LOXL2: variants seen among roughly 807,000 people sequenced by gnomAD.
LOXL2 encodes lysyl oxidase homolog 2.
LOXL2 carries 70 observed loss-of-function variants against 93.0 expected under a neutral mutation model. That is an observed-to-expected ratio of 0.75 (90% confidence interval 0.62 to 0.92). The LOEUF (loss-of-function observed/expected upper bound fraction) is 0.92, where lower values mean the gene tolerates loss of function less well. Ranked by LOEUF, LOXL2 falls within the 40% of genes least tolerant of loss-of-function variation. The probability of loss-of-function intolerance (pLI) is 0.00; values close to 1 mark genes in which losing one functional copy is unlikely to be tolerated. For synonymous variants in LOXL2, 438 were observed against 413.2 expected (o/e 1.06, Z -0.73); for missense variants, 973 against 1,054.9 (o/e 0.92, Z 1.08).
chr8:23,398,516 C>G (rs372765250), intron 1 of LOXL2, among the ~76,000 whole-genome samples: 52 of 152,338 alleles, frequency 3.4e-4, no homozygotes, highest in African/African-American at 1.2e-3. Flanking sequence ...CTAACCACAA[C>G]CTCAGCATCT....
intron 13 of LOXL2, among the ~76,000 whole-genome samples, 168 bp downstream of exon 13, chr8:23,298,668 C>T (rs1803078037): frequency 6.6e-6 from 1 of 152,226 alleles, no homozygotes; most frequent in Non-Finnish European, 1.5e-5. Context: ...TGTAAAAACT[C>T]AGTCTCCATC....
chr8:23,344,162 G>A (rs532244442), intron 3 of LOXL2, among the ~76,000 whole-genome samples: 3 of 152,314 alleles, frequency 2.0e-5, no homozygotes, highest in East Asian at 1.9e-4. Flanking sequence ...CAACCCAAAC[G>A]CCAAGGGAGC....
intron 8 of LOXL2, among the ~76,000 whole-genome samples, chr8:23,319,370 G>A (rs1049061682): frequency 6.6e-5 from 10 of 152,338 alleles, no homozygotes; most frequent in African/African-American, 1.9e-4. Context: ...AAGTGCAGCT[G>A]ATGTGACAAG....
intron 4 of LOXL2, among the ~76,000 whole-genome samples, chr8:23,335,628 G>A (rs998697349): frequency 6.6e-6 from 1 of 152,084 alleles, no homozygotes; most frequent in Admixed American, 6.5e-5. Context: ...TGCTCATGTC[G>A]ACCCAGCTTT....
chr8:23,380,966 TTGTGATAC>T (rs1471763653), intron 1 of LOXL2, among the ~76,000 whole-genome samples: 1 of 152,148 alleles, frequency 6.6e-6, no homozygotes, highest in Admixed American at 6.5e-5. Flanking sequence ...TGAGCCGAGA[TTGTGATAC>T]TGTACTCCAA....
At chr8:23,328,297 G>T in intron 6 of LOXL2, 85 bp downstream of exon 6, 1 of 1,438,922 alleles carries the variant, frequency 6.9e-7, no homozygotes, top group South Asian at 1.2e-5. Flanking sequence ...AGGATTTCCC[G>T]AGAGCTCACG....
At chr8:23,391,742 G>A (rs941326241) in intron 1 of LOXL2, among the ~76,000 whole-genome samples, 3 of 152,190 alleles carry the variant, frequency 2.0e-5, no homozygotes, top group Non-Finnish European at 2.9e-5. Flanking sequence ...GATGGGGCCC[G>A]TGGCATGAAA....
chr8:23,333,658 A>G, intron 4 of LOXL2, 35 bp from the exon 5 acceptor site: 1 of 1,546,098 alleles, frequency 6.5e-7, no homozygotes, highest in Non-Finnish European at 8.9e-7. Flanking sequence ...GGACCAGGGC[A>G]TCATGACGCC....
intron 3 of LOXL2, among the ~76,000 whole-genome samples, chr8:23,344,697 A>G (rs926603075): frequency 6.6e-6 from 1 of 151,884 alleles, no homozygotes; most frequent in African/African-American, 2.4e-5. Flanking sequence ...TCTATGTCAC[A>G]TGGGTCTCTG....
chr8:23,401,706 G>A (rs1233604675), intron 1 of LOXL2, among the ~76,000 whole-genome samples: 2 of 152,186 alleles, frequency 1.3e-5, no homozygotes, highest in Non-Finnish European at 2.9e-5. Flanking sequence ...TGTCTATCTA[G>A]AGCACAGAAA....
At position 23,328,363 on chromosome 8, in the gene LOXL2, T is replaced by A. The variant is rs1370805379; in HGVS notation, c.1150+19A>T. Reference sequence around the variant, plus strand: ...TGCTCCCAGGAAGAGAGGCCCCCTCTAGCCTCCCCATTCCTTACCTTGCCC... The same window carrying A: ...TGCTCCCAGGAAGAGAGGCCCCCTCAAGCCTCCCCATTCCTTACCTTGCCC... On this transcript the variant is annotated intron_variant, in intron 6 of 13. Coordinates refer to ENST00000389131, the MANE Select transcript of LOXL2 (RefSeq NM_002318.3). 6.2e-7 allele frequency: 1 copy of A among 1,612,484 alleles called. No individual in the cohort carries two copies. Among genetic ancestry groups the A allele is most frequent in the Non-Finnish European group, 8.5e-7 (1 of 1,179,354 alleles).
chr8:23,389,653 G>A (rs998351320), intron 1 of LOXL2, among the ~76,000 whole-genome samples: 3 of 152,182 alleles, frequency 2.0e-5, no homozygotes, highest in Admixed American at 6.5e-5. Flanking sequence ...ATTATACAGT[G>A]TTTGGACATC....
At chr8:23,352,488 A>C (rs1185632707) in intron 3 of LOXL2, among the ~76,000 whole-genome samples, 1 of 152,114 alleles carries the variant, frequency 6.6e-6, no homozygotes, top group Non-Finnish European at 1.5e-5. Context: ...CCTGGCTGGG[A>C]AGGGTTCAGA....
chr8:23,348,228 G>A (rs113197480), intron 3 of LOXL2, among the ~76,000 whole-genome samples: 17,635 of 143,494 alleles, frequency 0.12, 1,321 homozygotes, highest in Admixed American at 0.17. Flanking sequence ...GACACAGGGA[G>A]GGGAACATCA....
Position 23,404,041 on chromosome 8 carries a change from T to C in LOXL2, c.-171A>G. Reference sequence around the variant, plus strand: ...CTTCCGCCGCCGCTGAGCCCCTTTCTCGAGCAGAGGGGGCGGCTCTGGTCT... The same window carrying C: ...CTTCCGCCGCCGCTGAGCCCCTTTCCCGAGCAGAGGGGGCGGCTCTGGTCT... On this transcript the variant is annotated 5_prime_UTR_variant, in exon 1 of 14. Transcript: ENST00000389131. The C allele has an allele frequency of 1.0e-5, 2 of 195,728 alleles. No individual in the cohort carries two copies. The highest frequency in any genetic ancestry group is 1.3e-4 in the South Asian group (2 of 15,478). The allele number at this position is 195,728 out of a possible 1,614,324, so 12.1% of individuals were successfully genotyped here.
intron 3 of LOXL2, among the ~76,000 whole-genome samples, chr8:23,350,870 G>C (rs959455404): frequency 6.6e-6 from 1 of 152,142 alleles, no homozygotes; most frequent in African/African-American, 2.4e-5. Flanking sequence ...TTTGGAGAAC[G>C]GGCAAGCCCT....
chr8:23,317,240 C>A, intron 8 of LOXL2, 126 bp from the exon 9 acceptor site: 1 of 966,876 alleles, frequency 1.0e-6, no homozygotes, highest in South Asian at 1.4e-5. Flanking sequence ...ATCGAAACAG[C>A]ACGGAGGGTC....
intron 7 of LOXL2, among the ~76,000 whole-genome samples, chr8:23,321,013 T>A (rs1325394091): frequency 6.6e-6 from 1 of 152,178 alleles, no homozygotes; most frequent in Non-Finnish European, 1.5e-5. Context: ...GAGGAGCAAT[T>A]CTTGACATCT....
chr8:23,370,224 C>A (rs889801912), intron 1 of LOXL2, among the ~76,000 whole-genome samples: 31 of 152,182 alleles, frequency 2.0e-4, no homozygotes, highest in African/African-American at 7.5e-4. Context: ...CAGCTTTTGA[C>A]ACCTAGAACA....
Sources: allele counts gnomAD v4.1 joint callset (sites outside exome capture counted in the v4.1 genomes callset), GRCh38; gene constraint gnomAD v4.1.1; transcripts MANE v1.5; gene names NCBI Gene and HGNC (gene_info 2026-07-23, HGNC 2026-07-21).